THSD7A: variants seen among roughly 807,000 people sequenced by gnomAD.
THSD7A encodes thrombospondin type 1 domain containing 7A.
In THSD7A, 96 loss-of-function variants were observed where a neutral mutation model predicts 231.3. The observed-to-expected ratio is 0.41, with a 90% CI of 0.35 to 0.49. The LOEUF (loss-of-function observed/expected upper bound fraction) is 0.49. THSD7A is among the 20% of genes least tolerant of loss of function. THSD7A has a pLI of 0.05. For missense variants in THSD7A, 2,290 were observed against 2,070.2 expected (o/e 1.11, Z -2.06); for synonymous variants, 940 against 743.3 (o/e 1.26, Z -4.30).
chr7:11,450,572 G>A (rs1447548444), intron 11 of THSD7A, among the ~76,000 whole-genome samples: 3 of 151,936 alleles, frequency 2.0e-5, no homozygotes, highest in Admixed American at 2.0e-4. Context: ...TGATACTAGG[G>A]CGAGGAAAAT....
intron 2 of THSD7A, among the ~76,000 whole-genome samples, chr7:11,622,373 A>G (rs750421964): frequency 1.6e-4 from 24 of 152,098 alleles, no homozygotes; most frequent in Non-Finnish European, 2.9e-4. Flanking sequence ...TTATTAATAA[A>G]ATTCATGTTT....
At chr7:11,518,614 C>CACACACACAG (rs1788134344) in intron 6 of THSD7A, among the ~76,000 whole-genome samples, 1 of 151,730 alleles carries the variant, frequency 6.6e-6, no homozygotes, top group African/African-American at 2.4e-5. Flanking sequence ...CACACACACA[C>CACACACACAG]ACACACGCAC....
chr7:11,438,825 C>G (rs1324625556), intron 13 of THSD7A, among the ~76,000 whole-genome samples: 1 of 151,966 alleles, frequency 6.6e-6, no homozygotes, highest in Non-Finnish European at 1.5e-5. Flanking sequence ...GGCACTTAAA[C>G]ATAATATTGT....
chr7:11,575,827 T>G (rs1421960650), intron 4 of THSD7A, among the ~76,000 whole-genome samples: 6 of 152,188 alleles, frequency 3.9e-5, no homozygotes, highest in Non-Finnish European at 8.8e-5. Flanking sequence ...TATAAGAAAA[T>G]TGCTTAAAGA....
At chr7:11,657,567 T>A (rs1171266429) in intron 1 of THSD7A, among the ~76,000 whole-genome samples, 3 of 151,792 alleles carry the variant, frequency 2.0e-5, no homozygotes, top group Non-Finnish European at 4.4e-5. Flanking sequence ...CCTACACTCT[T>A]AAGTTATGTA....
intron 1 of THSD7A, among the ~76,000 whole-genome samples, chr7:11,651,353 T>C (rs1782494772): frequency 1.3e-5 from 2 of 151,954 alleles, no homozygotes; most frequent in Non-Finnish European, 2.9e-5. Flanking sequence ...ATTCTAGAAA[T>C]GGATAGTGGT....
chr7:11,776,910 C>G (rs1163031949), intron 1 of THSD7A, among the ~76,000 whole-genome samples: 2 of 152,130 alleles, frequency 1.3e-5, no homozygotes, highest in African/African-American at 4.8e-5. Flanking sequence ...TCAGTGGAAA[C>G]TGCTATTAGC....
intron 1 of THSD7A, among the ~76,000 whole-genome samples, chr7:11,746,325 C>T (rs973840991): frequency 6.6e-6 from 1 of 151,884 alleles, no homozygotes; most frequent in African/African-American, 2.4e-5. Context: ...AAGAAACCAA[C>T]ACTGGTATAT....
chr7:11,514,044 C>G (rs1787927578), intron 6 of THSD7A, among the ~76,000 whole-genome samples: 1 of 152,042 alleles, frequency 6.6e-6, no homozygotes, highest in African/African-American at 2.4e-5. Flanking sequence ...TGTCTTTGCA[C>G]TGGTTCTTGC....
intron 2 of THSD7A, among the ~76,000 whole-genome samples, chr7:11,624,883 CCTT>C (rs1781429812): frequency 1.3e-5 from 2 of 152,058 alleles, no homozygotes; most frequent in South Asian, 2.1e-4. Context: ...ACTATGTTCT[CCTT>C]CACCTATTTT....
intron 1 of THSD7A, among the ~76,000 whole-genome samples, chr7:11,768,108 T>C (rs1783088928): frequency 6.6e-6 from 1 of 152,146 alleles, no homozygotes; most frequent in Admixed American, 6.6e-5. Context: ...GCAAGAAACA[T>C]GTAACCTGAG....
intron 6 of THSD7A, among the ~76,000 whole-genome samples, chr7:11,498,065 T>A (rs906251461): frequency 6.6e-6 from 1 of 152,142 alleles, no homozygotes; most frequent in African/African-American, 2.4e-5. Flanking sequence ...GAGCCTTAGA[T>A]ACTTGGGCCT....
chr7:11,620,488 A>G (rs1781267075), intron 2 of THSD7A, among the ~76,000 whole-genome samples: 1 of 152,158 alleles, frequency 6.6e-6, no homozygotes, highest in African/African-American at 2.4e-5. Flanking sequence ...TATCAACATG[A>G]TCATTTATAA....
chr7:11,566,377 C>T (rs1452628235), intron 4 of THSD7A, among the ~76,000 whole-genome samples: 3 of 152,176 alleles, frequency 2.0e-5, no homozygotes, highest in Non-Finnish European at 2.9e-5. Context: ...AATTCCGATT[C>T]ACTACATTTG....
chr7:11,404,474 G>T (rs1482543398), intron 22 of THSD7A, among the ~76,000 whole-genome samples: 2 of 152,162 alleles, frequency 1.3e-5, no homozygotes, highest in Non-Finnish European at 2.9e-5. Flanking sequence ...TTTAGCCAAG[G>T]GTCACTTTTT....
In THSD7A at chr7:11,396,457, C is replaced by T. The variant is rs560237024; in HGVS notation, c.4411+5338G>A. On this transcript the variant is annotated intron_variant, in intron 23 of 27. Coordinates refer to ENST00000423059, the MANE Select transcript of THSD7A (RefSeq NM_015204.3). ...TAAAAAATGATAAAGGGGATATCAT[C>T]ACCGATCCCACAGAAATACAAACCA... 2.6e-4 allele frequency among the ~76,000 whole-genome samples: 40 copies of T among 152,244 alleles called. No homozygotes were observed. In the South Asian group the frequency reaches 7.5e-3, roughly 28 times the overall value.
chr7:11,429,123 A>T lies in THSD7A; in HGVS notation c.3067T>A (p.Tyr1023Asn), dbSNP rs1383604987. 6.3e-7 allele frequency: 1 copy of T among 1,575,212 alleles called. No individual in the cohort carries two copies. The highest frequency in any genetic ancestry group is 8.6e-7 in the Non-Finnish European group (1 of 1,165,298). The change falls in exon 14 of 28, where the codon TAC becomes AAC. Residue 1023 changes from tyrosine (Y) to asparagine (N), a missense_variant and splice_region_variant. Transcript: ENST00000423059. ...VETSRCNSHGYIEEACIIPCP... is the reference protein window; with the variant it reads ...VETSRCNSHGNIEEACIIPCP... ...GGGATGATGCAGGCCTCCTCAATGT[A>T]ACCTGAGTAGAGGAAAATGAGACAA...
At chr7:11,496,956 C>T (rs903443746) in intron 6 of THSD7A, among the ~76,000 whole-genome samples, 19 of 152,224 alleles carry the variant, frequency 1.2e-4, no homozygotes, top group African/African-American at 3.4e-4. Context: ...AGCTATCCAA[C>T]GTAAATCAAT....
rs760859516 is a variant in THSD7A at position 11,474,304 on chromosome 7, G to A, written c.2252+30C>T. 15 of 1,573,388 alleles carry A rather than the reference G, an allele frequency of 9.5e-6. No individual in the cohort carries two copies. The highest frequency in any genetic ancestry group is 9.4e-5 in the African/African-American group (7 of 74,200). On this transcript the variant is annotated intron_variant, in intron 8 of 27. Coordinates refer to ENST00000423059, the MANE Select transcript of THSD7A (RefSeq NM_015204.3). The surrounding 1 kb of genome is among the most constrained non-coding windows in gnomAD (Gnocchi z 4.1). ...CAATCCTCTGCACAGGTGGCTACACGATTTACTGTTGTCATTCTAAAGCTC... is the reference window on the plus strand; with the variant it reads ...CAATCCTCTGCACAGGTGGCTACACAATTTACTGTTGTCATTCTAAAGCTC...
Sources: allele counts gnomAD v4.1 joint callset (sites outside exome capture counted in the v4.1 genomes callset), GRCh38; gene constraint gnomAD v4.1.1; non-coding constraint Gnocchi (gnomAD v3.1); transcripts MANE v1.5; gene names NCBI Gene and HGNC (gene_info 2026-07-23, HGNC 2026-07-21).